Variants in RFX3 observed in about 807,000 individuals in gnomAD.
The protein encoded by RFX3 is transcription factor RFX3.
A neutral mutation model predicts 98.6 loss-of-function variants in RFX3; 14 were observed. That is an observed-to-expected ratio of 0.14 (90% CI 0.09 to 0.22). The LOEUF is 0.22. Ranked by LOEUF, RFX3 falls within the 10% of genes least tolerant of loss-of-function variation. The pLI, the probability that RFX3 is intolerant of heterozygous loss-of-function variation, is 1.00. For missense variants in RFX3, 639 were observed against 926.9 expected, an observed-to-expected ratio of 0.69 and a Z score of 4.03; for synonymous variants, 383 against 328.4, an observed-to-expected ratio of 1.17 and a Z score of -1.80.
intron 4 of RFX3, among the ~76,000 whole-genome samples, chr9:3,310,845 A>G (rs887819861): frequency 1.3e-5 from 2 of 152,208 alleles, no homozygotes; most frequent in Non-Finnish European, 2.9e-5. Context: ...AATATTTCAA[A>G]TTGTTGTAAT....
At chr9:3,440,100 A>AT (rs1414515963) in intron 1 of RFX3, among the ~76,000 whole-genome samples, 2 of 152,040 alleles carry the variant, frequency 1.3e-5, no homozygotes, top group Admixed American at 6.6e-5. Flanking sequence ...CAATAAAAGA[A>AT]TTTTTTCCAT....
At chr9:3,488,946 G>C in intron 1 of RFX3, 1 of 940,566 alleles carries the variant, frequency 1.1e-6, no homozygotes, top group Non-Finnish European at 1.3e-6. Flanking sequence ...CTTGTTCCCT[G>C]TGAAGACTGA....
At position 3,312,122 on chromosome 9, in the gene RFX3, C is replaced by A. The variant is rs557278268; in HGVS notation, c.475-10502G>T. ...AGTAGAAAATAACCAGAGTTAACTGCACACAGTATGGATAAGTATTGCTTC... is the reference window on the plus strand; with the variant it reads ...AGTAGAAAATAACCAGAGTTAACTGAACACAGTATGGATAAGTATTGCTTC... On this transcript the variant is annotated intron_variant, in intron 4 of 16. Transcript: ENST00000617270. 5.8e-4 allele frequency among the ~76,000 whole-genome samples: 89 copies of A among 152,268 alleles called. 1 individual carries two copies. The highest frequency in any genetic ancestry group is 2.1e-3 in the African/African-American group (87 of 41,546).
rs898593632 is a variant in RFX3 at position 3,274,010 on chromosome 9, A to G, written c.1086+1490T>C. Among the ~76,000 whole-genome samples the G allele has an allele frequency of 3.9e-5, 6 of 152,354 alleles. No individual in the cohort carries two copies. The East Asian group carries it at 1.2e-3, about 29-fold the overall frequency. On this transcript the variant is annotated intron_variant, in intron 9 of 16. Transcript: ENST00000617270. ...AATGTAGAAAGAAATAATTTTCTCT[A>G]TATACATAAGGAAAATCCAGAAATT...
chr9:3,454,712 C>A (rs1846990482), intron 1 of RFX3, among the ~76,000 whole-genome samples: 1 of 152,146 alleles, frequency 6.6e-6, no homozygotes, highest in Non-Finnish European at 1.5e-5. Context: ...GCTACCCTGT[C>A]CAATAATGGC....
intron 1 of RFX3, among the ~76,000 whole-genome samples, chr9:3,505,956 A>T (rs1817048595): frequency 6.6e-6 from 1 of 151,892 alleles, no homozygotes; most frequent in South Asian, 2.1e-4. Context: ...CCTTCACAGC[A>T]GTTCACTTCT....
rs1407213881 is a variant in RFX3, at chr9:3,224,843, A to G, written c.*199T>C. On this transcript the variant is annotated 3_prime_UTR_variant, in exon 17 of 17. Coordinates refer to ENST00000617270, the MANE Select transcript of RFX3 (RefSeq NM_001282116.2). ...AAACTAAGGGAAAAAATTCATTATT[A>G]AGAAGCAAATAATTTGTTTACGTTA... 4.2e-6 allele frequency: 2 copies of G among 478,410 alleles called. No individual in the cohort carries two copies. The highest frequency in any genetic ancestry group is 3.8e-5 in the Admixed American group (1 of 26,342). 29.6% of individuals were successfully genotyped at this position (478,410 alleles called of 1,614,324 possible).
At chr9:3,511,202 G>A (rs535738616) in intron 1 of RFX3, among the ~76,000 whole-genome samples, 7 of 151,962 alleles carry the variant, frequency 4.6e-5, no homozygotes, top group Admixed American at 4.6e-4. Flanking sequence ...CATTTAATTA[G>A]GTTCAAACAA....
At chr9:3,259,362 T>G (rs916506027) in intron 13 of RFX3, among the ~76,000 whole-genome samples, 1 of 152,066 alleles carries the variant, frequency 6.6e-6, no homozygotes, top group African/African-American at 2.4e-5. Flanking sequence ...CAAACTACTT[T>G]ATATTATACT....
In RFX3 at chr9:3,225,155, C is replaced by T. The variant is rs1817621024; in HGVS notation, c.2137G>A (p.Glu713Lys). 6.2e-6 allele frequency: 10 copies of T among 1,613,948 alleles called. No individual in the cohort carries two copies. The highest frequency in any genetic ancestry group is 5.9e-6 in the Non-Finnish European group (7 of 1,179,948). ...FPVGCMQPVL[E>K]TGVQPSLLNP... Reference sequence around the variant, plus strand: ...AGGAGGCTTGGTTGCACGCCAGTCTCGAGAACAGGCTGCATGCAGCCCACT... The same window carrying T: ...AGGAGGCTTGGTTGCACGCCAGTCTTGAGAACAGGCTGCATGCAGCCCACT... The change falls in exon 17 of 17, where the codon GAG becomes AAG. Residue 713 changes from glutamate (E) to lysine (K), a missense_variant. Coordinates refer to ENST00000617270, the MANE Select transcript of RFX3 (RefSeq NM_001282116.2).
chr9:3,265,922 T>C (rs1458165854), intron 12 of RFX3, among the ~76,000 whole-genome samples: 1 of 152,120 alleles, frequency 6.6e-6, no homozygotes, highest in African/African-American at 2.4e-5. Context: ...TTCTCACAGA[T>C]ATAATTTAGA....
intron 2 of RFX3, among the ~76,000 whole-genome samples, chr9:3,354,961 A>C (rs1410075500): frequency 2.0e-5 from 3 of 151,930 alleles, no homozygotes; most frequent in African/African-American, 4.8e-5. Flanking sequence ...GGAATGACAA[A>C]AATAGCACAA....
chr9:3,295,915 T>TA (rs1002319950), intron 5 of RFX3, among the ~76,000 whole-genome samples: 7 of 151,974 alleles, frequency 4.6e-5, no homozygotes, highest in African/African-American at 1.4e-4. Flanking sequence ...AAAAGCAAAT[T>TA]AAAAAAATTT....
chr9:3,394,341 T>C (rs1258215179), intron 2 of RFX3, among the ~76,000 whole-genome samples: 3 of 152,074 alleles, frequency 2.0e-5, no homozygotes, highest in African/African-American at 7.2e-5. Flanking sequence ...CAGGCACCTG[T>C]AGTCCCAGCT....
chr9:3,263,899 G>C (rs1823256613), intron 12 of RFX3, among the ~76,000 whole-genome samples: 2 of 152,136 alleles, frequency 1.3e-5, no homozygotes, highest in African/African-American at 2.4e-5. Flanking sequence ...TGCAACCTCT[G>C]CTTGCTGCCT....
chr9:3,400,163 T>TGTTA lies in RFX3; in HGVS notation c.-8-4571_-8-4568dup, dbSNP rs969275176. The TGTTA allele has an allele frequency of 2.1e-5, 16 of 744,332 alleles. No individual in the cohort carries two copies. In the Admixed American group the frequency reaches 8.1e-4, roughly 38 times the overall value. The allele number at this position is 744,332 out of a possible 1,614,324, so 46.1% of individuals were successfully genotyped here. A position where few individuals can be genotyped will look rare whatever the true frequency, so the allele number is the denominator to read the frequency against. On this transcript the variant is annotated intron_variant, in intron 1 of 16. Coordinates refer to ENST00000617270, the MANE Select transcript of RFX3 (RefSeq NM_001282116.2). ...AGATGAGTTAACTGAGGCCCAGAGA[T>TGTTA]GTTACATCACTTACCGAAGGCCATA...
At chr9:3,296,209 T>C (rs7045036) in intron 5 of RFX3, among the ~76,000 whole-genome samples, 2,579 of 152,016 alleles carry the variant, frequency 0.017, 70 homozygotes, top group African/African-American at 0.059. Flanking sequence ...AGTCCAATGG[T>C]ATATTTACAT....
At chr9:3,415,192 C>CATATAT (rs560950256) in intron 1 of RFX3, among the ~76,000 whole-genome samples, 3 of 129,972 alleles carry the variant, frequency 2.3e-5, no homozygotes, top group African/African-American at 9.0e-5. Flanking sequence ...TACACATACT[C>CATATAT]ATATATATAT....
At chr9:3,344,997 A>C (rs1834297219) in intron 3 of RFX3, 1 of 583,886 alleles carries the variant, frequency 1.7e-6, no homozygotes, top group Non-Finnish European at 3.1e-6. Flanking sequence ...CAATCACCTA[A>C]GCAAATGTAA....
Sources: gnomAD v4.1 joint callset for allele counts (sites outside exome capture counted in the v4.1 genomes callset) on GRCh38, gnomAD v4.1.1 for gene constraint, MANE v1.5 for transcripts, NCBI Gene and HGNC (gene_info 2026-07-23, HGNC 2026-07-21) for gene names.